Variants in PCDH11X observed in about 807,000 individuals in gnomAD.
PCDH11X encodes the protein protocadherin 11 X-linked, also known as protocadherin-11 X-linked.
A neutral mutation model predicts 53.3 loss-of-function variants in PCDH11X; 18 were observed. That is an observed-to-expected ratio of 0.34 (90% CI 0.23 to 0.50). The LOEUF (loss-of-function observed/expected upper bound fraction) is 0.50, where lower values mean the gene tolerates loss of function less well. PCDH11X is among the 20% of genes least tolerant of loss of function. PCDH11X has a pLI of 0.98. For missense variants in PCDH11X, 570 were observed against 1,032.4 expected (o/e 0.55, Z 6.14); for synonymous variants, 279 against 393.3 (o/e 0.71, Z 3.44).
At chrX:91,986,796 G>C (rs774919762) in intron 6 of PCDH11X, among the ~76,000 whole-genome samples, 1 of 108,478 alleles carries the variant, frequency 9.2e-6, no homozygotes, top group East Asian at 2.9e-4. Context: ...TCCATCTCAA[G>C]GACCTTAACC....
At chrX:92,176,984 G>GT (rs1266325416) in intron 6 of PCDH11X, among the ~76,000 whole-genome samples, 4 of 100,232 alleles carry the variant, frequency 4.0e-5, no homozygotes, top group South Asian at 9.6e-4. Context: ...TTTGGTTGTT[G>GT]TTTTTTTTTG....
chrX:92,449,816 TC>T (rs2072742033), intron 9 of PCDH11X, among the ~76,000 whole-genome samples: 1 of 110,577 alleles, frequency 9.0e-6, no homozygotes, highest in Non-Finnish European at 1.9e-5. Flanking sequence ...AACTTCAGTT[TC>T]CCCATTGATT....
At chrX:92,525,359 G>T (rs761852061) in intron 10 of PCDH11X, among the ~76,000 whole-genome samples, 15 of 111,554 alleles carry the variant, frequency 1.3e-4, no homozygotes, top group Non-Finnish European at 2.8e-4. Flanking sequence ...GGCTGGGCGC[G>T]GTGGCTCACG....
chrX:91,914,388 C>A (rs182199967), intron 6 of PCDH11X, among the ~76,000 whole-genome samples: 1,360 of 111,187 alleles, frequency 0.012, 10 homozygotes, highest in Non-Finnish European at 0.02. Context: ...ACGAATGGAT[C>A]CAAACCAAGA....
rs1331270277 is a variant in PCDH11X at position 92,449,586 on chromosome X, A to T, written c.3344-18713A>T. On this transcript the variant is annotated intron_variant, in intron 9 of 10. Coordinates refer to ENST00000682573, the MANE Select transcript of PCDH11X (RefSeq NM_032968.5). ...GGCTGGAGAAGGATAGATTATTTGC[A>T]CAAATTTCACAAAAAAATAATGATA... 4.5e-5 allele frequency among the ~76,000 whole-genome samples: 5 copies of T among 112,007 alleles called. No individual in the cohort carries two copies. In the Admixed American group the frequency reaches 4.8e-4, roughly 11 times the overall value.
intron 1 of PCDH11X, among the ~76,000 whole-genome samples, chrX:91,791,227 G>A (rs780911138): frequency 5.6e-4 from 62 of 110,487 alleles, no homozygotes; most frequent in African/African-American, 1.9e-3. Flanking sequence ...ACAGTTTTCT[G>A]TATTGGTCTG....
At chrX:92,553,990 T>C (rs2075005981) in intron 10 of PCDH11X, among the ~76,000 whole-genome samples, 1 of 110,896 alleles carries the variant, frequency 9.0e-6, no homozygotes, top group South Asian at 3.7e-4. Context: ...AGAGTCAGTT[T>C]TACTCAAATT....
chrX:92,179,872 A>G (rs2065966413), intron 6 of PCDH11X, among the ~76,000 whole-genome samples: 1 of 111,704 alleles, frequency 9.0e-6, no homozygotes, highest in Non-Finnish European at 1.9e-5. Flanking sequence ...CTATGTTACC[A>G]TATTCAGTGA....
intron 6 of PCDH11X, among the ~76,000 whole-genome samples, chrX:92,090,616 C>T (rs980495369): frequency 1.8e-5 from 2 of 110,639 alleles, no homozygotes; most frequent in African/African-American, 6.6e-5. Context: ...GCTAGGCCTT[C>T]AGGTTTTACA....
intron 10 of PCDH11X, among the ~76,000 whole-genome samples, chrX:92,605,425 C>G (rs774116411): frequency 9.0e-6 from 1 of 111,504 alleles, no homozygotes; most frequent in African/African-American, 3.3e-5. Context: ...ATACTTACCA[C>G]TTCTATTAAA....
Position 92,190,424 on chromosome X carries a change from G to A in PCDH11X, c.3034-10951G>A, listed in dbSNP as rs182428162. Among the ~76,000 whole-genome samples the A allele has an allele frequency of 4.9e-3, 548 of 111,678 alleles. 1 individual carries two copies. The highest frequency in any genetic ancestry group is 8.0e-3 in the Admixed American group (83 of 10,414). On this transcript the variant is annotated intron_variant, in intron 6 of 10. Coordinates refer to ENST00000682573, the MANE Select transcript of PCDH11X (RefSeq NM_032968.5). ...TCTCTATTCTGTTCCATTGGTTTATGTGTCTGTTTACTATGTGAAGTAAAC... is the reference window on the plus strand; with the variant it reads ...TCTCTATTCTGTTCCATTGGTTTATATGTCTGTTTACTATGTGAAGTAAAC...
In PCDH11X at chrX:92,422,319, C is replaced by A. The variant is rs141663363; in HGVS notation, c.3343+34386C>A. 8.7e-3 allele frequency among the ~76,000 whole-genome samples: 949 copies of A among 109,227 alleles called. 4 individuals are homozygous for A. The highest frequency in any genetic ancestry group is 0.03 in the African/African-American group (906 of 29,957). 94.9% of individuals were successfully genotyped at this position (109,227 alleles called of 115,157 possible). ...CTTTTATCCCTCACTCCCCTCCCAC[C>A]CTTTCTCCTGAGTCCCCAGGGTCCA... is the stretch of plus-strand genomic sequence containing the variant. On this transcript the variant is annotated intron_variant, in intron 9 of 10. Transcript: ENST00000682573.
Position 92,259,506 on chromosome X carries a change from A to G in PCDH11X, c.3115-3608A>G, listed in dbSNP as rs1435161529. On this transcript the variant is annotated intron_variant, in intron 7 of 10. Transcript: ENST00000682573. ...TTTAAAAGAACCAGATCTCATGATA[A>G]CTCACTCACTATCATGAGAACTGCA... Among the ~76,000 whole-genome samples the G allele has an allele frequency of 2.7e-5, 3 of 110,966 alleles. No homozygotes were observed. The Admixed American group carries it at 2.9e-4, about 11-fold the overall frequency.
At chrX:92,434,147 T>C (rs1261982283) in intron 9 of PCDH11X, among the ~76,000 whole-genome samples, 2 of 111,158 alleles carry the variant, frequency 1.8e-5, no homozygotes, top group African/African-American at 6.5e-5. Context: ...ATCTATCTAT[T>C]TATCTATCTT....
chrX:92,614,751 G>A (rs901088918), intron 10 of PCDH11X, among the ~76,000 whole-genome samples: 5 of 110,317 alleles, frequency 4.5e-5, no homozygotes, highest in Non-Finnish European at 9.5e-5. Context: ...GGTGTGTCTA[G>A]GCATGGAGCT....
Position 92,504,257 on chromosome X carries a change from T to C in PCDH11X, c.3367+35935T>C, listed in dbSNP as rs756478504. ...CCTGATAGTTTTTCGATCCTCACTC[T>C]TCTCTCACTCTCCTCCCTTAAGTAG... On this transcript the variant is annotated intron_variant, in intron 10 of 10. Transcript: ENST00000682573. Among the ~76,000 whole-genome samples, 124 of 106,894 alleles carry C rather than the reference T, an allele frequency of 1.2e-3. 1 individual carries two copies. The highest frequency in any genetic ancestry group is 2.0e-3 in the Non-Finnish European group (103 of 51,821). The allele number at this position is 106,894 out of a possible 115,157, so 92.8% of individuals were successfully genotyped here.
Position 92,321,184 on chromosome X carries a change from G to GT in PCDH11X, c.3144+58050dup, listed in dbSNP as rs199672875. 8.0e-3 allele frequency among the ~76,000 whole-genome samples: 680 copies of GT among 84,775 alleles called. 28 individuals are homozygous for GT. The highest frequency in any genetic ancestry group is 0.052 in the East Asian group (100 of 1,937). The allele number at this position is 84,775 out of a possible 115,157, so 73.6% of individuals were successfully genotyped here. A position where few individuals can be genotyped will look rare whatever the true frequency, so the allele number is the denominator to read the frequency against. ...TCAGTATCTGTGAGCTGAACTGTAA[G>GT]TTTTTTTTTGTTTTTTTTTTTTTTT... On this transcript the variant is annotated intron_variant, in intron 8 of 10. Coordinates refer to ENST00000682573, the MANE Select transcript of PCDH11X (RefSeq NM_032968.5).
intron 6 of PCDH11X, among the ~76,000 whole-genome samples, chrX:91,899,031 G>A (rs773055661): frequency 9.0e-6 from 1 of 110,826 alleles, no homozygotes; most frequent in South Asian, 3.8e-4. Context: ...CGTTTATTAG[G>A]GTTCTCTAGA....
At chrX:92,520,371 CA>C (rs1228391305) in intron 10 of PCDH11X, among the ~76,000 whole-genome samples, 8 of 106,221 alleles carry the variant, frequency 7.5e-5, no homozygotes, top group African/African-American at 2.7e-4. Flanking sequence ...AGATCATCTG[CA>C]CCTTCAGGGG....
Sources: allele counts gnomAD v4.1 joint callset (sites outside exome capture counted in the v4.1 genomes callset), GRCh38; gene constraint gnomAD v4.1.1; transcripts MANE v1.5; gene names NCBI Gene and HGNC (gene_info 2026-07-23, HGNC 2026-07-21).